The following EYS variants were observed in gnomAD, a reference collection of about 807,000 sequenced individuals.
The protein encoded by EYS is protein eyes shut homolog.
A neutral mutation model predicts 282.1 loss-of-function variants in EYS; 250 were observed. The ratio of observed to expected loss-of-function variants is 0.89; its 90% CI spans 0.80 to 0.98. The LOEUF is 0.98. Ranked by LOEUF, EYS falls within the 50% of genes least tolerant of loss-of-function variation. The pLI is 0.00. For synonymous variants in EYS, 1,355 were observed against 1,282.9 expected (o/e 1.06, Z -1.20); for missense variants, 4,016 against 3,709.0 (o/e 1.08, Z -2.15).
At chr6:64,763,594 C>T (rs781736186) in intron 22 of EYS, among the ~76,000 whole-genome samples, 1 of 152,066 alleles carries the variant, frequency 6.6e-6, no homozygotes, top group Non-Finnish European at 1.5e-5. Flanking sequence ...CAACCCTGGC[C>T]CCTCCTAAAT....
At chr6:65,598,235 CCCA>C (rs149883525) in intron 2 of EYS, among the ~76,000 whole-genome samples, 290 of 25,914 alleles carry the variant, frequency 0.011, 4 homozygotes, top group Middle Eastern at 0.05. Context: ...CTCCTCCCCA[CCCA>C]CCCCCCCCCC....
chr6:65,548,703 C>T (rs1199761461), intron 2 of EYS, among the ~76,000 whole-genome samples: 1 of 152,176 alleles, frequency 6.6e-6, no homozygotes, highest in Non-Finnish European at 1.5e-5. Context: ...TATGAACTCA[C>T]TTCAATATTC....
At chr6:65,519,170 T>C (rs1288636337) in intron 2 of EYS, among the ~76,000 whole-genome samples, 1 of 152,140 alleles carries the variant, frequency 6.6e-6, no homozygotes, top group East Asian at 1.9e-4. Flanking sequence ...TAATAATGCT[T>C]GGTCGTTGAC....
intron 13 of EYS, among the ~76,000 whole-genome samples, chr6:65,000,016 G>A (rs769227622): frequency 6.6e-6 from 1 of 152,204 alleles, no homozygotes; most frequent in Non-Finnish European, 1.5e-5. Context: ...TGACAAAGTA[G>A]AGGGTCTAAT....
chr6:65,414,366 T>C (rs1767148112), intron 5 of EYS, among the ~76,000 whole-genome samples: 1 of 152,164 alleles, frequency 6.6e-6, no homozygotes, highest in Non-Finnish European at 1.5e-5. Flanking sequence ...AAATATTTCT[T>C]CACAAGTAGC....
At chr6:65,328,301 T>C (rs190959703) in intron 11 of EYS, among the ~76,000 whole-genome samples, 575 of 151,578 alleles carry the variant, frequency 3.8e-3, no homozygotes, top group Middle Eastern at 6.8e-3. Context: ...CTGAAATAAA[T>C]TTCTCCAATT....
intron 35 of EYS, among the ~76,000 whole-genome samples, chr6:63,895,283 C>G (rs1773508615): frequency 6.6e-6 from 1 of 151,952 alleles, no homozygotes; most frequent in Non-Finnish European, 1.5e-5. Flanking sequence ...AAAATTGTAT[C>G]CAACTACTAT....
At chr6:65,221,022 G>A (rs1766449728) in intron 12 of EYS, among the ~76,000 whole-genome samples, 1 of 152,194 alleles carries the variant, frequency 6.6e-6, no homozygotes. Flanking sequence ...AAGCAGCAAA[G>A]TGTTCAAGAA....
At chr6:64,019,005 C>T (rs1204030689) in intron 33 of EYS, among the ~76,000 whole-genome samples, 1 of 152,010 alleles carries the variant, frequency 6.6e-6, no homozygotes, top group Non-Finnish European at 1.5e-5. Context: ...GAACTCCTGA[C>T]CTCAAGTGAT....
intron 22 of EYS, among the ~76,000 whole-genome samples, chr6:64,634,097 C>T (rs150589384): frequency 1.0e-3 from 159 of 152,286 alleles, no homozygotes; most frequent in Non-Finnish European, 1.8e-3. Flanking sequence ...AATTCTCCTG[C>T]CTCAGCCTCC....
intron 30 of EYS, among the ~76,000 whole-genome samples, chr6:64,267,290 GTAGT>G (rs1767792894): frequency 6.6e-6 from 1 of 152,100 alleles, no homozygotes; most frequent in Admixed American, 6.6e-5. Context: ...ATAAAGAAAA[GTAGT>G]TAAAGACTTC....
At chr6:64,466,129 G>A (rs1479442223) in intron 26 of EYS, among the ~76,000 whole-genome samples, 1 of 151,962 alleles carries the variant, frequency 6.6e-6, no homozygotes, top group Non-Finnish European at 1.5e-5. Flanking sequence ...TGGCAAAAGG[G>A]GACACTTGAA....
At chr6:65,691,241 C>T (rs1769230934) in intron 1 of EYS, among the ~76,000 whole-genome samples, 1 of 150,272 alleles carries the variant, frequency 6.7e-6, no homozygotes, top group South Asian at 2.1e-4. Flanking sequence ...TCTCCAGCAC[C>T]TGTTGCTTCC....
chr6:64,640,478 C>A (rs1419396082), intron 22 of EYS, among the ~76,000 whole-genome samples: 2 of 150,916 alleles, frequency 1.3e-5, no homozygotes, highest in Non-Finnish European at 2.9e-5. Flanking sequence ...GACAAGAAAC[C>A]AAACACCACA....
chr6:64,405,978 C>CA (rs1018677600), intron 28 of EYS, among the ~76,000 whole-genome samples: 22 of 150,920 alleles, frequency 1.5e-4, no homozygotes, highest in Non-Finnish European at 2.4e-4. Flanking sequence ...CACATGGAAC[C>CA]AAAAAAAAAT....
At chr6:64,801,257 T>C (rs1053169770) in intron 22 of EYS, among the ~76,000 whole-genome samples, 1 of 152,118 alleles carries the variant, frequency 6.6e-6, no homozygotes, top group African/African-American at 2.4e-5. Flanking sequence ...CATTAAGCAC[T>C]AAAATTGATT....
intron 2 of EYS, among the ~76,000 whole-genome samples, chr6:65,543,284 G>A (rs1768246764): frequency 1.3e-5 from 2 of 151,628 alleles, no homozygotes; most frequent in Admixed American, 1.3e-4. Flanking sequence ...GATTACAGAT[G>A]TGAGCCACTG....
At chr6:64,502,341 C>T (rs912449052) in intron 26 of EYS, among the ~76,000 whole-genome samples, 3 of 151,936 alleles carry the variant, frequency 2.0e-5, no homozygotes, top group Non-Finnish European at 4.4e-5. Context: ...CCGGGGTTCT[C>T]GTCATTCTCC....
chr6:65,504,371 TTTC>T (rs1320277322), intron 2 of EYS, among the ~76,000 whole-genome samples: 1 of 151,710 alleles, frequency 6.6e-6, no homozygotes, highest in Non-Finnish European at 1.5e-5. Flanking sequence ...ATTTTATGTC[TTTC>T]TTATTAGTCT....
Sources: allele counts gnomAD v4.1 joint callset (sites outside exome capture counted in the v4.1 genomes callset), GRCh38; gene constraint gnomAD v4.1.1; transcripts MANE v1.5; gene names NCBI Gene and HGNC (gene_info 2026-07-23, HGNC 2026-07-21).